Variants in ARHGAP26 observed in about 807,000 individuals in gnomAD.
ARHGAP26 encodes Rho GTPase activating protein 26, also known as rho GTPase-activating protein 26.
A neutral mutation model predicts 104.8 loss-of-function variants in ARHGAP26; 38 were observed. The ratio of observed to expected loss-of-function variants is 0.36; its 90% CI spans 0.28 to 0.48. ARHGAP26 has a LOEUF of 0.48. Ranked by LOEUF, ARHGAP26 falls within the 20% of genes least tolerant of loss-of-function variation. ARHGAP26 has a pLI of 0.99. For synonymous variants in ARHGAP26, 341 were observed against 340.0 expected, an observed-to-expected ratio of 1.00 and a Z score of -0.03; for missense variants, 704 against 947.9, an observed-to-expected ratio of 0.74 and a Z score of 3.38.
intron 20 of ARHGAP26, among the ~76,000 whole-genome samples, chr5:143,156,258 A>C (rs896168685): frequency 6.6e-6 from 1 of 152,258 alleles, no homozygotes; most frequent in Non-Finnish European, 1.5e-5. Context: ...TCTGGAAAGC[A>C]GATGCTTACT....
At chr5:143,056,153 T>G in intron 16 of ARHGAP26, 67 bp downstream of exon 16, 1 of 1,343,122 alleles carries the variant, frequency 7.4e-7, no homozygotes, top group East Asian at 2.3e-5. Flanking sequence ...GAAGAGTCAG[T>G]ATCCCAAAAT....
At chr5:143,150,804 C>A (rs2151001812) in intron 20 of ARHGAP26, among the ~76,000 whole-genome samples, 1 of 152,276 alleles carries the variant, frequency 6.6e-6, no homozygotes, top group Non-Finnish European at 1.5e-5. Flanking sequence ...ATGTAAAATG[C>A]AAAACTGTAA....
chr5:142,913,139 C>T, intron 9 of ARHGAP26, 60 bp from the exon 10 acceptor site: 1 of 1,370,072 alleles, frequency 7.3e-7, no homozygotes, highest in Admixed American at 1.7e-5. Flanking sequence ...TCATGTATGT[C>T]CTGGGAGGAG....
At chr5:142,827,519 G>A (rs1394577584) in intron 1 of ARHGAP26, among the ~76,000 whole-genome samples, 1 of 152,210 alleles carries the variant, frequency 6.6e-6, no homozygotes. Context: ...TGACCAGTGA[G>A]TGTTTAGGTA....
intron 1 of ARHGAP26, among the ~76,000 whole-genome samples, chr5:142,852,028 T>C (rs1029074878): frequency 3.9e-5 from 6 of 152,244 alleles, no homozygotes; most frequent in Non-Finnish European, 7.3e-5. Flanking sequence ...TAGTTTGGGT[T>C]TGCTGACAGT....
intron 1 of ARHGAP26, among the ~76,000 whole-genome samples, chr5:142,820,742 C>T (rs1474904624): frequency 6.6e-6 from 1 of 152,118 alleles, no homozygotes; most frequent in Non-Finnish European, 1.5e-5. Flanking sequence ...TTCATAAAGG[C>T]CATAATAATA....
chr5:143,072,267 G>A (rs1788376891), intron 17 of ARHGAP26, among the ~76,000 whole-genome samples: 1 of 152,184 alleles, frequency 6.6e-6, no homozygotes, highest in African/African-American at 2.4e-5. Flanking sequence ...ATGCTGGAGA[G>A]AATGGGGAGA....
At chr5:143,161,310 C>T (rs1045037467) in intron 20 of ARHGAP26, among the ~76,000 whole-genome samples, 1 of 152,114 alleles carries the variant, frequency 6.6e-6, no homozygotes, top group African/African-American at 2.4e-5. Context: ...CTGCACCCGG[C>T]CTCAGATTTC....
chr5:142,943,155 A>G (rs1036950261), intron 11 of ARHGAP26, among the ~76,000 whole-genome samples: 6 of 152,130 alleles, frequency 3.9e-5, no homozygotes, highest in Non-Finnish European at 5.9e-5. Context: ...GGCTCATAGT[A>G]TCTGGCACAG....
At chr5:143,143,203 T>G (rs944347439) in intron 19 of ARHGAP26, among the ~76,000 whole-genome samples, 1 of 152,204 alleles carries the variant, frequency 6.6e-6, no homozygotes, top group African/African-American at 2.4e-5. Context: ...ACCCTCCAGC[T>G]CTGTGTATTC....
intron 1 of ARHGAP26, among the ~76,000 whole-genome samples, chr5:142,825,283 T>C (rs1289431205): frequency 6.6e-6 from 1 of 152,210 alleles, no homozygotes; most frequent in Non-Finnish European, 1.5e-5. Flanking sequence ...GCCATCCTTA[T>C]TGAGTAAGCA....
chr5:142,969,001 G>A (rs976368315), intron 11 of ARHGAP26, among the ~76,000 whole-genome samples: 5 of 152,186 alleles, frequency 3.3e-5, no homozygotes, highest in Admixed American at 1.3e-4. Flanking sequence ...GCGCACTCAT[G>A]GCTCATTGTA....
At chr5:143,117,542 C>T (rs374250788) in intron 17 of ARHGAP26, among the ~76,000 whole-genome samples, 3 of 152,050 alleles carry the variant, frequency 2.0e-5, no homozygotes, top group East Asian at 3.9e-4. Flanking sequence ...TAACTCTTCC[C>T]ACCCAAAAAA....
intron 1 of ARHGAP26, among the ~76,000 whole-genome samples, chr5:142,831,866 C>G (rs141394821): frequency 6.6e-6 from 1 of 152,292 alleles, no homozygotes; most frequent in East Asian, 1.9e-4. Flanking sequence ...CTCTCTGCTC[C>G]TTGCAACATA....
intron 22 of ARHGAP26, among the ~76,000 whole-genome samples, chr5:143,221,319 G>A (rs1197418053): frequency 6.6e-6 from 1 of 150,878 alleles, no homozygotes; most frequent in East Asian, 2.0e-4. Flanking sequence ...TTTCAAACTG[G>A]TATATAGAGG....
At chr5:143,125,240 G>T (rs761268241) in intron 18 of ARHGAP26, among the ~76,000 whole-genome samples, 2 of 152,152 alleles carry the variant, frequency 1.3e-5, no homozygotes, top group Non-Finnish European at 2.9e-5. Context: ...TTGCCTACCT[G>T]TCTTTCTGTT....
chr5:143,073,946 A>G (rs1346195012), intron 17 of ARHGAP26, among the ~76,000 whole-genome samples: 1 of 152,228 alleles, frequency 6.6e-6, no homozygotes, highest in Non-Finnish European at 1.5e-5. Context: ...TTATTCGGAA[A>G]CAGAATCCCT....
chr5:142,963,181 T>TATATATAA (rs1554172166), intron 11 of ARHGAP26, among the ~76,000 whole-genome samples: 1 of 111,570 alleles, frequency 9.0e-6, no homozygotes. Context: ...TGTATATATA[T>TATATATAA]ATATATATAT....
In ARHGAP26 at chr5:142,885,925, A is replaced by G. The variant is rs76858632; in HGVS notation, c.486+526A>G. On this transcript the variant is annotated intron_variant, in intron 5 of 22. Transcript: ENST00000645722. ...CCTGTATATATTTTGTGCTTTGGTA[A>G]TGTTGTTTCAAGAAAATACATTCTT... Among the ~76,000 whole-genome samples, 151 of 152,162 alleles carry G rather than the reference A, an allele frequency of 9.9e-4. 1 individual carries two copies. The highest frequency in any genetic ancestry group is 3.5e-3 in the African/African-American group (147 of 41,486).
Sources: gnomAD v4.1 joint callset for allele counts (sites outside exome capture counted in the v4.1 genomes callset) on GRCh38, gnomAD v4.1.1 for gene constraint, MANE v1.5 for transcripts, NCBI Gene and HGNC (gene_info 2026-07-23, HGNC 2026-07-21) for gene names.